SIRT5: variants seen among roughly 807,000 people sequenced by gnomAD.
SIRT5 encodes sirtuin 5.
A neutral mutation model predicts 40.0 loss-of-function variants in SIRT5; 26 were observed. That is an observed-to-expected ratio of 0.65 (90% CI 0.48 to 0.90). The LOEUF (loss-of-function observed/expected upper bound fraction) is 0.90. Among genes scored for constraint, SIRT5 ranks in the 40% least tolerant of loss-of-function variants. The pLI, the probability that SIRT5 is intolerant of heterozygous loss-of-function variation, is 0.00. For missense variants in SIRT5, 401 were observed against 402.4 expected, an observed-to-expected ratio of 1.00 and a Z score of 0.03; for synonymous variants, 146 against 149.1, an observed-to-expected ratio of 0.98 and a Z score of 0.15.
At chr6:13,587,784 A>C (rs1031563437) in intron 3 of SIRT5, among the ~76,000 whole-genome samples, 1 of 152,208 alleles carries the variant, frequency 6.6e-6, no homozygotes, top group African/African-American at 2.4e-5. Context: ...TGTGTCCTCA[A>C]ATAAGACCCT....
chr6:13,601,015 T>C, intron 9 of SIRT5, 66 bp downstream of exon 9: 1 of 1,208,134 alleles, frequency 8.3e-7, no homozygotes, highest in Non-Finnish European at 1.2e-6. Flanking sequence ...CATCTAAACA[T>C]AGTTGACCTA....
chr6:13,589,356 C>T (rs1308399430), intron 4 of SIRT5: 1 of 152,290 alleles, frequency 6.6e-6, no homozygotes, highest in African/African-American at 2.4e-5. Flanking sequence ...TCTCAAACTC[C>T]TGACCTCAGG....
At chr6:13,586,967 G>T (rs1046712719) in intron 3 of SIRT5, among the ~76,000 whole-genome samples, 1 of 152,256 alleles carries the variant, frequency 6.6e-6, no homozygotes, top group East Asian at 1.9e-4. Context: ...GCCTGTCCCT[G>T]GTTCCATCTG....
At chr6:13,599,222 C>T (rs1562275824) in intron 8 of SIRT5, 67 bp downstream of exon 8, 2 of 1,521,660 alleles carry the variant, frequency 1.3e-6, no homozygotes, top group Non-Finnish European at 1.8e-6. Flanking sequence ...TCCCCCTCTC[C>T]TCTTTTCCTT....
chr6:13,590,289 C>T (rs1459041166), intron 4 of SIRT5, among the ~76,000 whole-genome samples: 1 of 152,176 alleles, frequency 6.6e-6, no homozygotes, highest in Non-Finnish European at 1.5e-5. Flanking sequence ...GTGCCTTTCC[C>T]TGCCAGCTCC....
chr6:13,594,890 A>G (rs1198606217), intron 5 of SIRT5, among the ~76,000 whole-genome samples: 2 of 152,216 alleles, frequency 1.3e-5, no homozygotes, highest in Non-Finnish European at 2.9e-5. Context: ...TTGATTACTT[A>G]TTTATTGAGG....
Position 13,604,639 on chromosome 6 carries a change from G to A in SIRT5, c.857+3690G>A, listed in dbSNP as rs1465933818. The A allele has an allele frequency of 1.7e-5, 24 of 1,439,622 alleles. 1 individual carries two copies. In the South Asian group the frequency reaches 3.3e-4, roughly 20 times the overall value. 89.2% of individuals were successfully genotyped at this position (1,439,622 alleles called of 1,614,324 possible). A position where few individuals can be genotyped will look rare whatever the true frequency, so the allele number is the denominator to read the frequency against. On this transcript the variant is annotated intron_variant, in intron 9 of 9. Transcript: ENST00000606117. ...CCCCACCTCCCATGCCATGGACTGA[G>A]CAGCAGGGGCCCAGCATCCCTTGGA...
intron 2 of SIRT5, among the ~76,000 whole-genome samples, chr6:13,581,983 C>G (rs906566730): frequency 3.9e-5 from 6 of 152,204 alleles, no homozygotes; most frequent in Non-Finnish European, 8.8e-5. Context: ...TTAACAGCAT[C>G]AAATCCAGAA....
chr6:13,593,753 T>G (rs1478959751), intron 5 of SIRT5, among the ~76,000 whole-genome samples: 1 of 152,226 alleles, frequency 6.6e-6, no homozygotes, highest in Non-Finnish European at 1.5e-5. Flanking sequence ...TATTCTATAC[T>G]TAGAGAAAGA....
chr6:13,607,033 G>T lies in SIRT5; in HGVS notation c.858-4757G>T, dbSNP rs551895870. On this transcript the variant is annotated intron_variant, in intron 9 of 9. Coordinates refer to ENST00000606117, the MANE Select transcript of SIRT5 (RefSeq NM_012241.5). This position sits in a 1 kb window ranked among gnomAD's most constrained non-coding sequence, Gnocchi z 4.0. ...AGCTAAAGGCCTTTTGTTTGAGTAG[G>T]GATCTGCTGATTGGAGCTCACCTTT... 1.3e-5 allele frequency among the ~76,000 whole-genome samples: 2 copies of T among 151,450 alleles called. No homozygotes were observed. Among genetic ancestry groups the T allele is most frequent in the East Asian group, 3.9e-4 (2 of 5,158 alleles).
Position 13,604,924 on chromosome 6 carries a change from C to T in SIRT5, c.857+3975C>T, listed in dbSNP as rs1762900862. 6.0e-6 allele frequency: 6 copies of T among 996,998 alleles called. No individual in the cohort carries two copies. In the South Asian group the frequency reaches 2.2e-4, roughly 37 times the overall value. 61.8% of individuals were successfully genotyped at this position (996,998 alleles called of 1,614,324 possible). A position where few individuals can be genotyped will look rare whatever the true frequency, so the allele number is the denominator to read the frequency against. On this transcript the variant is annotated intron_variant, in intron 9 of 9. Transcript: ENST00000606117. ...CAAGCTACTTATCAACCAGACTGAC[C>T]ACAAGAACTGTCATCTCATCAATGA...
intron 9 of SIRT5, chr6:13,605,356 T>A: frequency 1.0e-6 from 1 of 963,810 alleles, no homozygotes; most frequent in Non-Finnish European, 1.2e-6. Flanking sequence ...AAATATGTCC[T>A]GTGTGGCCCT....
chr6:13,586,045 T>C (rs1379901674), intron 3 of SIRT5, among the ~76,000 whole-genome samples: 4 of 152,268 alleles, frequency 2.6e-5, no homozygotes, highest in African/African-American at 9.6e-5. Flanking sequence ...TGTCTTCTTT[T>C]GAGAAGTGTC....
At chr6:13,592,010 T>C (rs1760980422) in intron 5 of SIRT5, 116 bp downstream of exon 5, 1 of 974,702 alleles carries the variant, frequency 1.0e-6, no homozygotes, top group East Asian at 2.7e-5. Context: ...TCCTGTCCTA[T>C]AGGATGCTGT....
chr6:13,576,185 T>C (rs1758612221), intron 1 of SIRT5, among the ~76,000 whole-genome samples: 1 of 152,220 alleles, frequency 6.6e-6, no homozygotes. Context: ...GTAGGATTTC[T>C]GGGTCATGTG....
At position 13,613,359 on chromosome 6, in the gene SIRT5, A is replaced by C. The variant is rs533328096; in HGVS notation, c.*1494A>C. On this transcript the variant is annotated 3_prime_UTR_variant, in exon 10 of 10. Coordinates refer to ENST00000606117, the MANE Select transcript of SIRT5 (RefSeq NM_012241.5). ...TTCCTTAACCTTTACCAGCTAACTC[A>C]GTGCTTAGGGGCCTTGGAATGCCTG... 6.6e-6 allele frequency: 1 copy of C among 152,340 alleles called. No homozygotes were observed. Among genetic ancestry groups the C allele is most frequent in the African/African-American group, 2.4e-5 (1 of 41,572 alleles). The allele number at this position is 152,340 out of a possible 1,614,324, so 9.4% of individuals were successfully genotyped here. A position where few individuals can be genotyped will look rare whatever the true frequency, so the allele number is the denominator to read the frequency against.
At chr6:13,602,510 A>C (rs1762529294) in intron 9 of SIRT5, among the ~76,000 whole-genome samples, 1 of 152,186 alleles carries the variant, frequency 6.6e-6, no homozygotes, top group East Asian at 1.9e-4. Context: ...CAAAAAAAAA[A>C]AAAAACTTAC....
chr6:13,605,707 T>C, intron 9 of SIRT5: 1 of 985,470 alleles, frequency 1.0e-6, no homozygotes, highest in Non-Finnish European at 1.2e-6. Flanking sequence ...ACCCTGACTA[T>C]TCCAATAAAC....
chr6:13,597,459 A>AT (rs1761727269), intron 7 of SIRT5, among the ~76,000 whole-genome samples: 1 of 150,300 alleles, frequency 6.7e-6, no homozygotes, highest in South Asian at 2.1e-4. Flanking sequence ...AAAAAGGAAG[A>AT]TTTTTATGCC....
Sources: gnomAD v4.1 joint callset for allele counts (sites outside exome capture counted in the v4.1 genomes callset) on GRCh38, gnomAD v4.1.1 for gene constraint, Gnocchi (gnomAD v3.1) non-coding constraint, MANE v1.5 for transcripts, NCBI Gene and HGNC (gene_info 2026-07-23, HGNC 2026-07-21) for gene names.